TNIK: variants seen among roughly 807,000 people sequenced by gnomAD.
The protein encoded by TNIK is TRAF2 and NCK interacting kinase, also known as TRAF2 and NCK-interacting protein kinase.
TNIK carries 49 observed loss-of-function variants against 191.3 expected under a neutral mutation model. That is an observed-to-expected ratio of 0.26 (90% CI 0.20 to 0.32). The LOEUF (loss-of-function observed/expected upper bound fraction) is 0.32, where lower values mean the gene tolerates loss of function less well. Among genes scored for constraint, TNIK ranks in the 10% least tolerant of loss-of-function variants. The pLI is 1.00. For synonymous variants in TNIK, 594 were observed against 600.9 expected, an observed-to-expected ratio of 0.99 and a Z score of 0.17; for missense variants, 1,155 against 1,702.3, an observed-to-expected ratio of 0.68 and a Z score of 5.66.
intron 2 of TNIK, among the ~76,000 whole-genome samples, chr3:171,295,611 G>A (rs1752204726): frequency 6.6e-6 from 1 of 152,216 alleles, no homozygotes; most frequent in African/African-American, 2.4e-5. Flanking sequence ...TAGGTAACTT[G>A]AAAAAGTAGC....
intron 2 of TNIK, among the ~76,000 whole-genome samples, chr3:171,309,145 C>A (rs1161972288): frequency 6.6e-6 from 1 of 151,256 alleles, no homozygotes; most frequent in Non-Finnish European, 1.5e-5. Context: ...AACATGGAAT[C>A]AACCTAAATG....
chr3:171,269,206 T>C (rs1026225896), intron 2 of TNIK, among the ~76,000 whole-genome samples: 1 of 152,146 alleles, frequency 6.6e-6, no homozygotes, highest in African/African-American at 2.4e-5. Flanking sequence ...CTGTCTGTAA[T>C]TTATTTAGAG....
At chr3:171,190,001 A>T (rs551565208) in intron 6 of TNIK, among the ~76,000 whole-genome samples, 1 of 152,334 alleles carries the variant, frequency 6.6e-6, no homozygotes, top group East Asian at 1.9e-4. Flanking sequence ...ATATACAATC[A>T]TATGGACAGC....
chr3:171,374,715 A>G (rs4894572), intron 1 of TNIK, among the ~76,000 whole-genome samples: 67,577 of 152,120 alleles, frequency 0.44, 16,863 homozygotes, highest in East Asian at 0.93. Context: ...CCTTGAAAGA[A>G]AATGTAATTT....
At chr3:171,241,912 C>CA (rs1421648835) in intron 2 of TNIK, among the ~76,000 whole-genome samples, 1 of 149,794 alleles carries the variant, frequency 6.7e-6, no homozygotes, top group Non-Finnish European at 1.5e-5. Flanking sequence ...CAAGCTATTG[C>CA]AAGGACAAAA....
chr3:171,398,863 T>C (rs564423171), intron 1 of TNIK, among the ~76,000 whole-genome samples: 65 of 152,270 alleles, frequency 4.3e-4, no homozygotes, highest in African/African-American at 1.3e-3. Flanking sequence ...AAAGAAATAA[T>C]TCTTATTTTT....
chr3:171,066,528 C>A, intron 31 of TNIK, 48 bp downstream of exon 31: 1 of 1,441,658 alleles, frequency 6.9e-7, no homozygotes, highest in Non-Finnish European at 9.2e-7. Context: ...ATTTTCGTTT[C>A]ATTTGGGGGG....
chr3:171,284,230 A>G (rs774167859), intron 2 of TNIK, among the ~76,000 whole-genome samples: 1 of 152,224 alleles, frequency 6.6e-6, no homozygotes, highest in Non-Finnish European at 1.5e-5. Context: ...ACACAATTTC[A>G]TGAAAAAATA....
At chr3:171,177,138 T>G (rs1358001609) in intron 8 of TNIK, among the ~76,000 whole-genome samples, 188 bp downstream of exon 8, 3 of 151,964 alleles carry the variant, frequency 2.0e-5, no homozygotes, top group African/African-American at 7.3e-5. Context: ...AAAACAGGAT[T>G]CTCCCACTGC....
intron 2 of TNIK, among the ~76,000 whole-genome samples, chr3:171,286,134 G>T (rs34380053): frequency 0.026 from 3,888 of 152,302 alleles, 60 homozygotes; most frequent in Middle Eastern, 0.037. Context: ...GCCATTGAAG[G>T]AGAACATCTG....
intron 2 of TNIK, among the ~76,000 whole-genome samples, chr3:171,252,941 T>C (rs145392914): frequency 6.6e-5 from 10 of 152,176 alleles, no homozygotes; most frequent in Non-Finnish European, 1.5e-4. Flanking sequence ...TTAGAATGCA[T>C]AGTTTTTTGG....
At chr3:171,375,308 T>G (rs557488795) in intron 1 of TNIK, among the ~76,000 whole-genome samples, 6 of 152,206 alleles carry the variant, frequency 3.9e-5, no homozygotes, top group Non-Finnish European at 8.8e-5. Context: ...TAAAATTCAG[T>G]CCGCATTTTA....
intron 2 of TNIK, among the ~76,000 whole-genome samples, chr3:171,235,960 T>A (rs1229409172): frequency 6.6e-6 from 1 of 152,170 alleles, no homozygotes; most frequent in Non-Finnish European, 1.5e-5. Flanking sequence ...ATAGCCTGTG[T>A]GAATTGTATT....
chr3:171,322,953 GTGTT>G (rs950610158), intron 2 of TNIK, among the ~76,000 whole-genome samples: 4 of 151,296 alleles, frequency 2.6e-5, no homozygotes, highest in African/African-American at 9.7e-5. Context: ...ACACTGGTAA[GTGTT>G]TGGGGAGAAA....
At chr3:171,452,450 C>T (rs1328231731) in intron 1 of TNIK, among the ~76,000 whole-genome samples, 3 of 152,172 alleles carry the variant, frequency 2.0e-5, no homozygotes, top group South Asian at 4.2e-4. Context: ...GTCCAAACCA[C>T]TCATCTTACA....
intron 2 of TNIK, among the ~76,000 whole-genome samples, chr3:171,369,395 T>C (rs757475967): frequency 2.6e-5 from 4 of 152,304 alleles, no homozygotes; most frequent in Admixed American, 6.5e-5. Flanking sequence ...ATGTGTCACA[T>C]ACAAACACAG....
chr3:171,175,355 A>G (rs774759867), intron 8 of TNIK, 25 bp from the exon 9 acceptor site: 10 of 1,588,356 alleles, frequency 6.3e-6, no homozygotes, highest in Non-Finnish European at 8.6e-6. Context: ...AACAAGGGCC[A>G]GCTACAGTTA....
chr3:171,276,910 A>G (rs1300474104), intron 2 of TNIK, among the ~76,000 whole-genome samples: 2 of 152,220 alleles, frequency 1.3e-5, no homozygotes, highest in African/African-American at 4.8e-5. Flanking sequence ...CTAAATTCCT[A>G]TCTATTTTAG....
At chr3:171,380,612 C>T (rs1191536986) in intron 1 of TNIK, among the ~76,000 whole-genome samples, 1 of 152,226 alleles carries the variant, frequency 6.6e-6, no homozygotes, top group Non-Finnish European at 1.5e-5. Flanking sequence ...AGGGACCTAA[C>T]TCTATTCTAA....
Sources: gnomAD v4.1 joint callset for allele counts (sites outside exome capture counted in the v4.1 genomes callset) on GRCh38, gnomAD v4.1.1 for gene constraint, MANE v1.5 for transcripts, NCBI Gene and HGNC (gene_info 2026-07-23, HGNC 2026-07-21) for gene names.